The following UACA variants were observed in gnomAD, a reference collection of about 807,000 sequenced individuals.
The protein encoded by UACA is nuclear membrane binding protein.
In UACA, 112 loss-of-function variants were observed where a neutral mutation model predicts 160.5. That is an observed-to-expected ratio of 0.70 (90% CI 0.60 to 0.82). UACA has a LOEUF of 0.82. Ranked by LOEUF, UACA falls within the 40% of genes least tolerant of loss-of-function variation. The pLI, the probability that UACA is intolerant of heterozygous loss-of-function variation, is 0.00. For missense variants in UACA, 1,574 were observed against 1,614.6 expected (o/e 0.97, Z 0.43); for synonymous variants, 557 against 568.4 (o/e 0.98, Z 0.29).
intron 17 of UACA, chr15:70,661,208 A>T (rs898025212): frequency 2.6e-5 from 4 of 152,212 alleles, no homozygotes; most frequent in African/African-American, 9.6e-5. Flanking sequence ...TCCCTTCTTT[A>T]AAAACTAGCT....
At chr15:70,661,062 C>A (rs527920739) in intron 17 of UACA, 4 of 152,158 alleles carry the variant, frequency 2.6e-5, no homozygotes, top group African/African-American at 9.7e-5. Context: ...ACAGGCAGGG[C>A]TTTTACTGCC....
intron 1 of UACA, among the ~76,000 whole-genome samples, chr15:70,762,367 G>A (rs1437024507): frequency 6.6e-6 from 1 of 152,174 alleles, no homozygotes; most frequent in Non-Finnish European, 1.5e-5. Flanking sequence ...CCCCAACTAG[G>A]TAACTGTGCA....
upstream of UACA, among the ~76,000 whole-genome samples, chr15:70,766,768 G>A (rs2031017123): frequency 6.6e-6 from 1 of 152,284 alleles, no homozygotes; most frequent in Non-Finnish European, 1.5e-5. Context: ...GCTATCCAAG[G>A]TTGAGTATCC....
chr15:70,659,323 T>A (rs1896596137), intron 18 of UACA, among the ~76,000 whole-genome samples: 1 of 151,266 alleles, frequency 6.6e-6, no homozygotes, highest in Non-Finnish European at 1.5e-5. Context: ...TTTATCTAGT[T>A]CTCTTTTTAA....
chr15:70,666,586 G>T (rs1896913829), intron 16 of UACA, 138 bp downstream of exon 16: 2 of 675,056 alleles, frequency 3.0e-6, no homozygotes, highest in Non-Finnish European at 4.4e-6. Flanking sequence ...TTTCAATTCG[G>T]AATTTTTGCA....
chr15:70,761,414 A>G (rs1006483035), intron 1 of UACA, among the ~76,000 whole-genome samples: 19 of 152,022 alleles, frequency 1.2e-4, no homozygotes, highest in Non-Finnish European at 2.6e-4. Flanking sequence ...AAAAAAAAAA[A>G]GGGTGGCCCA....
chr15:70,752,927 C>T (rs1014472134), intron 1 of UACA, among the ~76,000 whole-genome samples: 2 of 152,040 alleles, frequency 1.3e-5, no homozygotes, highest in Non-Finnish European at 2.9e-5. Context: ...AGTTATAATG[C>T]AACAAATTAG....
chr15:70,761,124 A>T (rs2030727864), intron 1 of UACA, among the ~76,000 whole-genome samples: 1 of 150,226 alleles, frequency 6.7e-6, no homozygotes, highest in African/African-American at 2.5e-5. Context: ...TACAGTTTTA[A>T]AAAAAAAAGT....
intron 1 of UACA, among the ~76,000 whole-genome samples, chr15:70,741,077 T>G (rs1566996243): frequency 6.6e-6 from 1 of 151,984 alleles, no homozygotes; most frequent in Admixed American, 6.6e-5. Flanking sequence ...AAGGGGGGGC[T>G]GGGCTGAGAG....
rs1390372228 is a variant in UACA at position 70,763,160 on chromosome 15, C to G, written c.78+170G>C. Among the ~76,000 whole-genome samples, 6 of 152,156 alleles carry G rather than the reference C, an allele frequency of 3.9e-5. No individual in the cohort carries two copies. The East Asian group carries it at 1.2e-3, about 29-fold the overall frequency. On this transcript the variant is annotated intron_variant, in intron 1 of 18. Coordinates refer to ENST00000322954, the MANE Select transcript of UACA (RefSeq NM_018003.4). ...CGGGTGCGGCGGCGGGGAGGATCCC[C>G]GGGGTCTCTGGGCTGACGGAGTCTC...
chr15:70,674,787 G>T (rs976919424), intron 13 of UACA, among the ~76,000 whole-genome samples: 1 of 152,070 alleles, frequency 6.6e-6, no homozygotes, highest in Non-Finnish European at 1.5e-5. Context: ...TCGTAAAGAC[G>T]GAGTTTTGCC....
chr15:70,727,375 T>C (rs1899181000), intron 1 of UACA, among the ~76,000 whole-genome samples: 2 of 152,132 alleles, frequency 1.3e-5, no homozygotes, highest in African/African-American at 4.8e-5. Flanking sequence ...TTTTATTAAA[T>C]TAAAAATTGC....
At chr15:70,755,868 T>G (rs1037507660) in intron 1 of UACA, among the ~76,000 whole-genome samples, 3 of 152,094 alleles carry the variant, frequency 2.0e-5, no homozygotes, top group African/African-American at 7.2e-5. Context: ...CACAGCTCCA[T>G]ACCACTGCAT....
chr15:70,765,608 T>C (rs2030992969), upstream of UACA, among the ~76,000 whole-genome samples: 1 of 152,238 alleles, frequency 6.6e-6, no homozygotes, highest in Non-Finnish European at 1.5e-5. Flanking sequence ...CTGACATATA[T>C]TTGAATTCCC....
rs1897065079 is a variant in UACA, at chr15:70,669,517, T to C, written c.1222-55A>G. ...ACAAAAGCCTAAATGAGACATTTAC[T>C]ATACTTATTTGCCAAACTTAGAGAA... is the stretch of plus-strand genomic sequence containing the variant. On this transcript the variant is annotated intron_variant, in intron 15 of 18. Coordinates refer to ENST00000322954, the MANE Select transcript of UACA (RefSeq NM_018003.4). 1.7e-5 allele frequency: 23 copies of C among 1,369,758 alleles called. No homozygotes were observed. In the South Asian group the frequency reaches 2.9e-4, roughly 17 times the overall value. The allele number at this position is 1,369,758 out of a possible 1,614,324, so 84.9% of individuals were successfully genotyped here. A position where few individuals can be genotyped will look rare whatever the true frequency, so the allele number is the denominator to read the frequency against.
Position 70,667,506 on chromosome 15 carries a change from C to A in UACA, c.3178G>T (p.Ala1060Ser). Reference sequence around the variant, plus strand: ...AGCTCGTCTGTTTTTCTGCTTAATGCTCTTTCCATTTCATGAGACTTCTCA... The same window carrying A: ...AGCTCGTCTGTTTTTCTGCTTAATGATCTTTCCATTTCATGAGACTTCTCA... The part of the protein sequence containing the change: ...LIEKSHEMER[A>S]LSRKTDELNK... The change falls in exon 16 of 19, where the codon GCA becomes TCA. Residue 1060 changes from alanine to serine, a missense_variant. By Grantham distance (99) the Ala-to-Ser change is moderately conservative. Transcript: ENST00000322954. 1.2e-6 allele frequency: 2 copies of A among 1,612,454 alleles called. No individual in the cohort carries two copies. Among genetic ancestry groups the A allele is most frequent in the Non-Finnish European group, 1.7e-6 (2 of 1,179,910 alleles).
At chr15:70,725,309 C>T (rs750552252) in intron 1 of UACA, among the ~76,000 whole-genome samples, 2 of 152,200 alleles carry the variant, frequency 1.3e-5, no homozygotes, top group South Asian at 4.2e-4. Flanking sequence ...ATCATCTTGT[C>T]CAGGAAAAGT....
chr15:70,697,887 C>T (rs1898188262), intron 2 of UACA, among the ~76,000 whole-genome samples: 1 of 151,992 alleles, frequency 6.6e-6, no homozygotes, highest in Non-Finnish European at 1.5e-5. Flanking sequence ...CCCGTTTCTG[C>T]TAAAAATACA....
intron 17 of UACA, among the ~76,000 whole-genome samples, chr15:70,663,336 A>G (rs894058796): frequency 9.2e-5 from 14 of 152,272 alleles, no homozygotes; most frequent in Admixed American, 2.0e-4. Context: ...TTAGAATGGC[A>G]ATCATTAAAA....
Sources: allele counts gnomAD v4.1 joint callset (sites outside exome capture counted in the v4.1 genomes callset), GRCh38; gene constraint gnomAD v4.1.1; transcripts MANE v1.5; gene names NCBI Gene and HGNC (gene_info 2026-07-23, HGNC 2026-07-21).